Variants in DOK6 observed in about 807,000 individuals in gnomAD.
DOK6 encodes the protein downstream of tyrosine kinase 6.
A neutral mutation model predicts 44.0 loss-of-function variants in DOK6; 22 were observed. The observed-to-expected ratio is 0.50, with a 90% CI of 0.36 to 0.71. The LOEUF (loss-of-function observed/expected upper bound fraction) is 0.71, where lower values mean the gene tolerates loss of function less well. Among genes scored for constraint, DOK6 ranks in the 30% least tolerant of loss-of-function variants. DOK6 has a pLI of 0.00. For synonymous variants in DOK6, 166 were observed against 145.5 expected (o/e 1.14, Z -1.01); for missense variants, 340 against 416.4 (o/e 0.82, Z 1.60).
rs150004792 is a variant in DOK6, at chr18:69,680,993, A to C, written c.409+3140A>C. 8.4e-4 allele frequency among the ~76,000 whole-genome samples: 128 copies of C among 152,340 alleles called. 1 individual carries two copies. The highest frequency in any genetic ancestry group is 3.0e-3 in the African/African-American group (126 of 41,586). On this transcript the variant is annotated intron_variant, in intron 4 of 7. Coordinates refer to ENST00000382713, the MANE Select transcript of DOK6 (RefSeq NM_152721.6). Reference sequence around the variant, plus strand: ...CCTTTTAAAATAAAATCATTAACTTACTAATACATGGTTGAAGTCACTAAT... The same window carrying C: ...CCTTTTAAAATAAAATCATTAACTTCCTAATACATGGTTGAAGTCACTAAT...
chr18:69,761,127 C>G (rs1379955322), intron 7 of DOK6, among the ~76,000 whole-genome samples: 30 of 95,784 alleles, frequency 3.1e-4, no homozygotes, highest in South Asian at 8.1e-4. Context: ...TCCCGGGGGC[C>G]GGTTGTGACC....
At chr18:69,452,134 G>T (rs1414773481) in intron 1 of DOK6, among the ~76,000 whole-genome samples, 30 of 152,060 alleles carry the variant, frequency 2.0e-4, no homozygotes, top group South Asian at 6.2e-4. Flanking sequence ...GCTGGTTTTT[G>T]GAAAGGATCA....
At chr18:69,534,943 T>C (rs1228597939) in intron 1 of DOK6, among the ~76,000 whole-genome samples, 1 of 152,142 alleles carries the variant, frequency 6.6e-6, no homozygotes, top group African/African-American at 2.4e-5. Flanking sequence ...TGTGATATTG[T>C]CTGGTTAACT....
intron 7 of DOK6, among the ~76,000 whole-genome samples, chr18:69,822,980 A>T (rs900757450): frequency 6.6e-6 from 1 of 152,204 alleles, no homozygotes; most frequent in Non-Finnish European, 1.5e-5. Flanking sequence ...TCATTTCCCC[A>T]TGTCAGGACC....
At chr18:69,437,532 C>G (rs1979015535) in intron 1 of DOK6, among the ~76,000 whole-genome samples, 1 of 152,016 alleles carries the variant, frequency 6.6e-6, no homozygotes, top group East Asian at 1.9e-4. Flanking sequence ...TGTTTTGGTA[C>G]CAGTACCAGT....
At chr18:69,567,386 C>T (rs980305207) in intron 2 of DOK6, among the ~76,000 whole-genome samples, 2 of 151,644 alleles carry the variant, frequency 1.3e-5, no homozygotes, top group Admixed American at 1.3e-4. Flanking sequence ...TAAGACTCAA[C>T]TGAAAAGAAA....
At chr18:69,483,515 G>C in intron 1 of DOK6, 1 of 152,190 alleles carries the variant, frequency 6.6e-6, no homozygotes, top group Non-Finnish European at 1.5e-5. Context: ...TGGAAGGAAT[G>C]AGCATCTATC....
At chr18:69,627,103 C>A (rs963823937) in intron 3 of DOK6, among the ~76,000 whole-genome samples, 1 of 152,146 alleles carries the variant, frequency 6.6e-6, no homozygotes, top group African/African-American at 2.4e-5. Context: ...GGCATGGAGT[C>A]CTGCCGAGTC....
At chr18:69,823,390 A>T (rs746210853) in intron 7 of DOK6, among the ~76,000 whole-genome samples, 2 of 152,168 alleles carry the variant, frequency 1.3e-5, no homozygotes, top group Non-Finnish European at 2.9e-5. Flanking sequence ...TCTTAAAGAA[A>T]AAATGGTAAT....
At chr18:69,501,528 T>C (rs928797911) in intron 1 of DOK6, among the ~76,000 whole-genome samples, 2 of 152,188 alleles carry the variant, frequency 1.3e-5, no homozygotes, top group African/African-American at 4.8e-5. Flanking sequence ...TGAGAGTTTC[T>C]GCTCTTGCAA....
chr18:69,735,355 A>G (rs568411182), intron 5 of DOK6, among the ~76,000 whole-genome samples: 1 of 152,222 alleles, frequency 6.6e-6, no homozygotes, highest in African/African-American at 2.4e-5. Context: ...CTCCAGCTCA[A>G]TACTCCTCTA....
intron 7 of DOK6, among the ~76,000 whole-genome samples, chr18:69,824,562 T>C (rs1045952013): frequency 7.2e-5 from 11 of 152,176 alleles, no homozygotes; most frequent in African/African-American, 2.2e-4. Context: ...GGTCTCACCA[T>C]GTTGCCCAGG....
chr18:69,536,229 C>G (rs1233121953), intron 1 of DOK6, among the ~76,000 whole-genome samples: 1 of 152,154 alleles, frequency 6.6e-6, no homozygotes, highest in Non-Finnish European at 1.5e-5. Context: ...TCCACTGATA[C>G]ACGTATAATT....
chr18:69,403,988 A>G (rs1443797734), intron 1 of DOK6, among the ~76,000 whole-genome samples: 1 of 152,234 alleles, frequency 6.6e-6, no homozygotes, highest in East Asian at 1.9e-4. Flanking sequence ...ACTAAATTTC[A>G]AAATATAAAT....
At position 69,513,969 on chromosome 18, in the gene DOK6, T is replaced by A. The variant is rs942205993; in HGVS notation, c.67-50518T>A. Among the ~76,000 whole-genome samples the A allele has an allele frequency of 1.1e-4, 16 of 152,268 alleles. No individual in the cohort carries two copies. In the South Asian group the frequency reaches 3.1e-3, roughly 30 times the overall value. Reference sequence around the variant, plus strand: ...GTTTAAAATACATATTACCTCTAGTTAGGTTTTATTTTAGCTTCTTGTCAA... The same window carrying A: ...GTTTAAAATACATATTACCTCTAGTAAGGTTTTATTTTAGCTTCTTGTCAA... On this transcript the variant is annotated intron_variant, in intron 1 of 7. Coordinates refer to ENST00000382713, the MANE Select transcript of DOK6 (RefSeq NM_152721.6).
At chr18:69,403,117 T>G (rs1916134331) in intron 1 of DOK6, among the ~76,000 whole-genome samples, 1 of 152,186 alleles carries the variant, frequency 6.6e-6, no homozygotes, top group Non-Finnish European at 1.5e-5. Flanking sequence ...TCAGACTATA[T>G]AAACTAATGG....
At chr18:69,523,490 ACT>A (rs752395443) in intron 1 of DOK6, among the ~76,000 whole-genome samples, 14 of 152,128 alleles carry the variant, frequency 9.2e-5, no homozygotes, top group Middle Eastern at 6.8e-3. Context: ...CTAAATTCAA[ACT>A]CTCTCAAACC....
chr18:69,643,376 C>T (rs927559312), intron 3 of DOK6, among the ~76,000 whole-genome samples: 1 of 152,146 alleles, frequency 6.6e-6, no homozygotes, highest in Non-Finnish European at 1.5e-5. Context: ...TGAACAATTC[C>T]AACTCCACAG....
intron 1 of DOK6, among the ~76,000 whole-genome samples, chr18:69,503,459 T>C (rs1405326787): frequency 2.0e-5 from 3 of 152,090 alleles, no homozygotes; most frequent in Non-Finnish European, 4.4e-5. Flanking sequence ...AACATCTAAA[T>C]TAATAAAGTT....
Sources: allele counts gnomAD v4.1 joint callset (sites outside exome capture counted in the v4.1 genomes callset), GRCh38; gene constraint gnomAD v4.1.1; transcripts MANE v1.5; gene names NCBI Gene and HGNC (gene_info 2026-07-23, HGNC 2026-07-21).